Variants in CPQ observed in about 807,000 individuals in gnomAD.
CPQ encodes Ser-Met dipeptidase.
In CPQ, 37 loss-of-function variants were observed where a neutral mutation model predicts 45.7. The ratio of observed to expected loss-of-function variants is 0.81; its 90% CI spans 0.62 to 1.07. The LOEUF (loss-of-function observed/expected upper bound fraction) is 1.07. Ranked by LOEUF, CPQ falls within the 50% of genes least tolerant of loss-of-function variation. The pLI is 0.00. For missense variants in CPQ, 537 were observed against 572.9 expected (o/e 0.94, Z 0.64); for synonymous variants, 186 against 205.8 (o/e 0.90, Z 0.82).
At chr8:96,920,482 T>C (rs1313928292) in intron 4 of CPQ, among the ~76,000 whole-genome samples, 1 of 152,190 alleles carries the variant, frequency 6.6e-6, no homozygotes, top group Non-Finnish European at 1.5e-5. Context: ...GCCATTGTGC[T>C]AATTAGTCAG....
chr8:96,859,315 T>C (rs1310488019), intron 3 of CPQ, among the ~76,000 whole-genome samples: 1 of 152,218 alleles, frequency 6.6e-6, no homozygotes, highest in Non-Finnish European at 1.5e-5. Context: ...TGGGCTTAGC[T>C]CTTTAGTCTT....
intron 5 of CPQ, among the ~76,000 whole-genome samples, chr8:96,976,756 G>A (rs1325127106): frequency 2.0e-5 from 3 of 151,842 alleles, no homozygotes; most frequent in Non-Finnish European, 4.4e-5. Context: ...GAGAAAAGAC[G>A]CCTATTCAAT....
intron 6 of CPQ, among the ~76,000 whole-genome samples, 185 bp from the exon 7 acceptor site, chr8:97,065,803 TTGAGTTTGGCAAATCCTAGGC>T (rs1260207861): frequency 6.6e-6 from 1 of 152,176 alleles, no homozygotes; most frequent in Non-Finnish European, 1.5e-5. Flanking sequence ...AAGCCAACTC[TTGAGTTTGGCAAATCCTAGGC>T]TGAGTAATTG....
chr8:96,768,750 G>A (rs953891102), intron 1 of CPQ, among the ~76,000 whole-genome samples: 1 of 152,070 alleles, frequency 6.6e-6, no homozygotes, highest in African/African-American at 2.4e-5. Flanking sequence ...TTCTGGCTTG[G>A]GCTGTAACAA....
chr8:97,070,197 T>G lies in CPQ; in HGVS notation c.1255+3987T>G, dbSNP rs1321877991. Reference sequence around the variant, plus strand: ...TTTCTCTCTAAATCCTCAGTGCTCTTTAAGGCTCATTCTGTATTCACTGGT... The same window carrying G: ...TTTCTCTCTAAATCCTCAGTGCTCTGTAAGGCTCATTCTGTATTCACTGGT... On this transcript the variant is annotated intron_variant, in intron 7 of 7. Transcript: ENST00000220763. 2.0e-5 allele frequency among the ~76,000 whole-genome samples: 3 copies of G among 152,316 alleles called. No homozygotes were observed. The East Asian group carries it at 5.8e-4, about 29-fold the overall frequency.
In CPQ at chr8:97,130,088, C is replaced by T. The variant is rs532570027; in HGVS notation, c.1256-12932C>T. Among the ~76,000 whole-genome samples the T allele has an allele frequency of 1.2e-4, 18 of 152,290 alleles. No homozygotes were observed. The South Asian group carries it at 2.7e-3, about 23-fold the overall frequency. On this transcript the variant is annotated intron_variant, in intron 7 of 7. Transcript: ENST00000220763. ...GCTGGATGATTATTTCTCAGCTATA[C>T]GAAATTATTAAATAAGAAATAATTC...
chr8:96,879,883 T>C lies in CPQ; in HGVS notation c.727T>C (p.Ser243Pro), dbSNP rs201646330. Residue 243 changes from serine to proline, a missense_variant, in exon 4 of 8, where the codon TCA becomes CCA. Ser to Pro is a moderately conservative substitution (Grantham distance 74). Transcript: ENST00000220763. ...TACGGTGGAAGATGCAGAAATGATGTCAAGAATGGCTTCTCATGGGATCAA... is the reference window on the plus strand; with the variant it reads ...TACGGTGGAAGATGCAGAAATGATGCCAAGAATGGCTTCTCATGGGATCAA... ...CITVEDAEMM[S>P]RMASHGIKIV... 1.2e-6 allele frequency: 2 copies of C among 1,614,058 alleles called. No individual in the cohort carries two copies. The highest frequency in any genetic ancestry group is 3.3e-5 in the Admixed American group (2 of 59,996).
intron 4 of CPQ, among the ~76,000 whole-genome samples, chr8:96,898,826 T>C (rs1190359105): frequency 6.7e-6 from 1 of 148,780 alleles, no homozygotes; most frequent in East Asian, 1.9e-4. Flanking sequence ...AGGCTTCTTG[T>C]TGGGTCGGGG....
intron 2 of CPQ, among the ~76,000 whole-genome samples, chr8:96,798,142 T>TAC (rs1810960406): frequency 6.6e-6 from 1 of 151,830 alleles, no homozygotes; most frequent in Non-Finnish European, 1.5e-5. Flanking sequence ...AGGCCATATA[T>TAC]ATATATATTT....
In CPQ at chr8:97,128,245, G is replaced by A. The variant is rs577588484; in HGVS notation, c.1256-14775G>A. Among the ~76,000 whole-genome samples, 4 of 152,234 alleles carry A rather than the reference G, an allele frequency of 2.6e-5. No individual in the cohort carries two copies. In the East Asian group the frequency reaches 7.7e-4, roughly 29 times the overall value. ...AGCATGGGTTGTTTTGATCTGATTG[G>A]GCATCACAATAGGAACTGACCTTTC... On this transcript the variant is annotated intron_variant, in intron 7 of 7. Coordinates refer to ENST00000220763, the MANE Select transcript of CPQ (RefSeq NM_016134.4).
intron 6 of CPQ, among the ~76,000 whole-genome samples, chr8:97,040,651 A>G (rs200304377): frequency 6.6e-6 from 1 of 152,150 alleles, no homozygotes; most frequent in African/African-American, 2.4e-5. Flanking sequence ...ATCTTGAATT[A>G]ATTTTTGTAT....
intron 4 of CPQ, among the ~76,000 whole-genome samples, chr8:96,902,094 A>G (rs1723477441): frequency 6.6e-6 from 1 of 152,144 alleles, no homozygotes; most frequent in Non-Finnish European, 1.5e-5. Context: ...GCATGGAAGG[A>G]GGGTCAGTCA....
At chr8:97,108,442 A>G (rs191620047) in intron 7 of CPQ, among the ~76,000 whole-genome samples, 19 of 152,388 alleles carry the variant, frequency 1.2e-4, no homozygotes, top group Non-Finnish European at 2.6e-4. Context: ...AAAATCAATA[A>G]AAGAACTAGA....
intron 4 of CPQ, among the ~76,000 whole-genome samples, chr8:96,940,252 T>A (rs2130322242): frequency 6.6e-6 from 1 of 152,258 alleles, no homozygotes; most frequent in African/African-American, 2.4e-5. Flanking sequence ...TAAATGTAAT[T>A]CTAGTAGAAA....
chr8:96,758,465 C>T (rs190150176), intron 1 of CPQ, among the ~76,000 whole-genome samples: 10 of 152,156 alleles, frequency 6.6e-5, no homozygotes, highest in African/African-American at 2.4e-4. Flanking sequence ...ACTGATGATA[C>T]ATTAAATGGA....
chr8:96,826,029 A>G, intron 2 of CPQ, among the ~76,000 whole-genome samples: 1 of 152,110 alleles, frequency 6.6e-6, no homozygotes, highest in South Asian at 2.1e-4. Flanking sequence ...TAGAATTATT[A>G]AAGAGTATAA....
intron 5 of CPQ, among the ~76,000 whole-genome samples, chr8:96,991,968 T>C (rs1426997361): frequency 6.6e-6 from 1 of 152,170 alleles, no homozygotes; most frequent in Non-Finnish European, 1.5e-5. Flanking sequence ...TCAGAGCCCA[T>C]AGTATCTCTC....
intron 6 of CPQ, among the ~76,000 whole-genome samples, chr8:97,056,753 G>A (rs1166164644): frequency 6.6e-6 from 1 of 152,154 alleles, no homozygotes; most frequent in African/African-American, 2.4e-5. Context: ...AAAGTCATCT[G>A]TTCATTTGAC....
chr8:96,987,362 AAAAG>A (rs1809004334), intron 5 of CPQ, among the ~76,000 whole-genome samples: 1 of 152,190 alleles, frequency 6.6e-6, no homozygotes, highest in East Asian at 1.9e-4. Flanking sequence ...TTTGGGGAGT[AAAAG>A]AACCAATCTA....
Sources: gnomAD v4.1 joint callset for allele counts (sites outside exome capture counted in the v4.1 genomes callset) on GRCh38, gnomAD v4.1.1 for gene constraint, MANE v1.5 for transcripts, NCBI Gene and HGNC (gene_info 2026-07-23, HGNC 2026-07-21) for gene names.